Variants in FANK1 observed in about 807,000 individuals in gnomAD.
FANK1 encodes fibronectin type III and ankyrin repeat domains 1, also known as fibronectin type 3 and ankyrin repeat domains protein 1.
A neutral mutation model predicts 45.3 loss-of-function variants in FANK1; 44 were observed. The ratio of observed to expected loss-of-function variants is 0.97; its 90% confidence interval spans 0.76 to 1.25. FANK1 has a LOEUF of 1.25. Among genes scored for constraint, FANK1 ranks in the 50% most tolerant of loss-of-function variants. The pLI is 0.00. For missense variants in FANK1, 391 were observed against 424.4 expected (o/e 0.92, Z 0.69); for synonymous variants, 149 against 152.5 (o/e 0.98, Z 0.17).
chr10:125,950,508 A>T (rs1051190268), intron 1 of FANK1, among the ~76,000 whole-genome samples: 2 of 152,128 alleles, frequency 1.3e-5, no homozygotes, highest in Non-Finnish European at 2.9e-5. Context: ...CAAAAAACAC[A>T]TGAAAAAATG....
At chr10:125,969,309 T>A (rs1335675193) in intron 1 of FANK1, among the ~76,000 whole-genome samples, 1 of 151,614 alleles carries the variant, frequency 6.6e-6, no homozygotes, top group Admixed American at 6.6e-5. Context: ...GACTTTGTGA[T>A]GAAATTAGTT....
At chr10:125,971,982 A>G (rs1950551340) in intron 1 of FANK1, among the ~76,000 whole-genome samples, 1 of 152,110 alleles carries the variant, frequency 6.6e-6, no homozygotes, top group South Asian at 2.1e-4. Flanking sequence ...TACAAGGTTA[A>G]AAGTAAGGGA....
At chr10:125,955,271 C>T (rs1018197736) in intron 1 of FANK1, among the ~76,000 whole-genome samples, 2 of 151,972 alleles carry the variant, frequency 1.3e-5, no homozygotes, top group African/African-American at 4.8e-5. Flanking sequence ...CACCCACCTC[C>T]CCGACAGACC....
chr10:125,902,338 G>C (rs1256841102), intron 1 of FANK1, among the ~76,000 whole-genome samples: 1 of 152,224 alleles, frequency 6.6e-6, no homozygotes, highest in Non-Finnish European at 1.5e-5. Context: ...TGTCTGCCCT[G>C]TTTGCCATCC....
In FANK1 at chr10:125,945,089, AATTT is replaced by A. The variant is rs547029637; in HGVS notation, c.14-35069_14-35066del. Among the ~76,000 whole-genome samples the A allele has an allele frequency of 9.3e-3, 1,421 of 152,324 alleles. 16 individuals carry two copies. The highest frequency in any genetic ancestry group is 0.034 in the Middle Eastern group (10 of 294). ...GACAACGGTAAAGTGCATTATAATT[AATTT>A]ATGTGTAATCCAAGTAAACAAGCCT... On this transcript the variant is annotated intron_variant, in intron 1 of 10. Coordinates refer to ENST00000368693, the MANE Select transcript of FANK1 (RefSeq NM_145235.5).
chr10:126,007,712 T>A (rs1953335692), intron 7 of FANK1, among the ~76,000 whole-genome samples: 1 of 152,258 alleles, frequency 6.6e-6, no homozygotes, highest in Admixed American at 6.5e-5. Flanking sequence ...TGTGCGTGTC[T>A]GAGCACAAAC....
intron 1 of FANK1, among the ~76,000 whole-genome samples, chr10:125,966,798 C>G (rs921994908): frequency 6.6e-6 from 1 of 152,158 alleles, no homozygotes; most frequent in African/African-American, 2.4e-5. Flanking sequence ...TTAGCTGAAT[C>G]TTTTTTCCAT....
chr10:126,004,770 A>G (rs1047774286), intron 6 of FANK1, 114 bp from the exon 7 acceptor site: 12 of 1,040,528 alleles, frequency 1.2e-5, no homozygotes, highest in Non-Finnish European at 1.8e-5. Flanking sequence ...AACAGTTCCC[A>G]TGGCTTTTCC....
intron 3 of FANK1, chr10:125,989,373 G>T: frequency 6.4e-7 from 1 of 1,550,668 alleles, no homozygotes; most frequent in Non-Finnish European, 8.7e-7. Flanking sequence ...TAATTTTTCA[G>T]TTGCACAAAG....
intron 1 of FANK1, among the ~76,000 whole-genome samples, chr10:125,954,320 T>A (rs1949437415): frequency 6.6e-6 from 1 of 152,064 alleles, no homozygotes; most frequent in African/African-American, 2.4e-5. Context: ...GCCTTGGAAG[T>A]AGGGAACGAA....
intron 1 of FANK1, among the ~76,000 whole-genome samples, chr10:125,942,090 G>T (rs1421701278): frequency 6.6e-6 from 1 of 152,136 alleles, no homozygotes; most frequent in African/African-American, 2.4e-5. Flanking sequence ...TCATGATAAT[G>T]ATGAAGGAAA....
At chr10:125,970,289 G>A (rs573622936) in intron 1 of FANK1, among the ~76,000 whole-genome samples, 6 of 150,776 alleles carry the variant, frequency 4.0e-5, no homozygotes, top group South Asian at 2.1e-4. Context: ...GGGCGGGGGC[G>A]CCCCCTGCCT....
At chr10:125,925,432 T>C (rs1947281556) in intron 1 of FANK1, among the ~76,000 whole-genome samples, 1 of 152,212 alleles carries the variant, frequency 6.6e-6, no homozygotes, top group African/African-American at 2.4e-5. Context: ...TTTCCCACTG[T>C]GCTGCCCAGG....
chr10:125,909,732 G>GACCA (rs1945840069), intron 1 of FANK1, among the ~76,000 whole-genome samples: 1 of 122,430 alleles, frequency 8.2e-6, no homozygotes, highest in Non-Finnish European at 1.6e-5. Context: ...TCACTATGTT[G>GACCA]CCTGGGGTGG....
At chr10:125,928,711 G>A (rs1053487503) in intron 1 of FANK1, among the ~76,000 whole-genome samples, 2 of 152,130 alleles carry the variant, frequency 1.3e-5, no homozygotes, top group African/African-American at 2.4e-5. Context: ...TGCCTAAGTA[G>A]GGAAGGGCAT....
chr10:125,927,490 C>G (rs1947434883), intron 1 of FANK1, among the ~76,000 whole-genome samples: 1 of 151,918 alleles, frequency 6.6e-6, no homozygotes, highest in Non-Finnish European at 1.5e-5. Context: ...TTTATCTGTT[C>G]TGCTGGTGGC....
In FANK1 at chr10:125,997,396, T is replaced by C. The variant is rs769438389; in HGVS notation, c.474-24T>C. ...GAGTGATCAAGGTGACTTATCTAGC[T>C]ACACTTAAGTTTGTTTCCTTTAGGC... On this transcript the variant is annotated intron_variant, in intron 5 of 10. Coordinates refer to ENST00000368693, the MANE Select transcript of FANK1 (RefSeq NM_145235.5). 4.4e-6 allele frequency: 7 copies of C among 1,608,942 alleles called. No individual in the cohort carries two copies. In the East Asian group the frequency reaches 1.6e-4, roughly 36 times the overall value.
chr10:126,009,021 C>T (rs2138281), intron 8 of FANK1, 33 bp from the exon 9 acceptor site: 2 of 1,605,670 alleles, frequency 1.2e-6, no homozygotes, highest in South Asian at 2.2e-5. Context: ...GAGGGAGAAG[C>T]TCATGCACAC....
At chr10:125,898,458 C>T (rs1054371374) in intron 1 of FANK1, among the ~76,000 whole-genome samples, 2 of 151,984 alleles carry the variant, frequency 1.3e-5, no homozygotes, top group African/African-American at 4.8e-5. Context: ...TGGACAAAGG[C>T]TCCCAAGAGG....
Sources: gnomAD v4.1 joint callset for allele counts (sites outside exome capture counted in the v4.1 genomes callset) on GRCh38, gnomAD v4.1.1 for gene constraint, MANE v1.5 for transcripts, NCBI Gene and HGNC (gene_info 2026-07-23, HGNC 2026-07-21) for gene names.